The following FAM171A1 variants were observed in gnomAD, a reference collection of about 807,000 sequenced individuals.
FAM171A1 encodes family with sequence similarity 171 member A1.
FAM171A1 carries 23 observed loss-of-function variants against 74.9 expected under a neutral mutation model. That is an observed-to-expected ratio of 0.31 (90% confidence interval 0.22 to 0.44). The LOEUF is 0.44. FAM171A1 is among the 20% of genes least tolerant of loss of function. The pLI, the probability that FAM171A1 is intolerant of heterozygous loss-of-function variation, is 1.00. For synonymous variants in FAM171A1, 527 were observed against 505.7 expected, an observed-to-expected ratio of 1.04 and a Z score of -0.57; for missense variants, 1,162 against 1,159.2, an observed-to-expected ratio of 1.00 and a Z score of -0.03.
chr10:15,373,108 T>C (rs1183466076), upstream of FAM171A1, among the ~76,000 whole-genome samples: 1 of 152,166 alleles, frequency 6.6e-6, no homozygotes, highest in Non-Finnish European at 1.5e-5. Flanking sequence ...AAAAGACAAA[T>C]GACTGTGAGA....
At chr10:15,300,616 T>TA (rs1835216691) in intron 1 of FAM171A1, among the ~76,000 whole-genome samples, 6 of 46,118 alleles carry the variant, frequency 1.3e-4, no homozygotes, top group South Asian at 9.7e-4. Flanking sequence ...CCAAAAAAAA[T>TA]AAACAAAAAA....
At chr10:15,358,502 T>C (rs1385198862) in intron 1 of FAM171A1, among the ~76,000 whole-genome samples, 3 of 152,196 alleles carry the variant, frequency 2.0e-5, no homozygotes, top group African/African-American at 7.2e-5. Flanking sequence ...TTCAAACATG[T>C]TTCTCTTTTT....
intron 1 of FAM171A1, among the ~76,000 whole-genome samples, chr10:15,348,761 T>C (rs773293721): frequency 2.6e-5 from 4 of 152,214 alleles, no homozygotes; most frequent in Non-Finnish European, 5.9e-5. Flanking sequence ...CCATGCTTCG[T>C]GACGCAGTTG....
intron 1 of FAM171A1, among the ~76,000 whole-genome samples, chr10:15,363,667 G>A (rs1034921565): frequency 2.0e-5 from 3 of 152,124 alleles, no homozygotes; most frequent in African/African-American, 4.8e-5. Flanking sequence ...CTAGACATGA[G>A]GTTGGATGGA....
At chr10:15,331,846 T>TGTAC (rs1381766203) in intron 1 of FAM171A1, among the ~76,000 whole-genome samples, 4 of 45,792 alleles carry the variant, frequency 8.7e-5, no homozygotes, top group Non-Finnish European at 1.8e-4. Flanking sequence ...TATATGTGTG[T>TGTAC]ATATATATGT....
At chr10:15,263,018 G>A (rs555921999) in intron 3 of FAM171A1, among the ~76,000 whole-genome samples, 67 of 152,310 alleles carry the variant, frequency 4.4e-4, no homozygotes, top group Admixed American at 5.2e-4. Context: ...GGAGTGTGCT[G>A]GGAAAAGCTT....
chr10:15,241,790 A>G (rs1834367349), intron 5 of FAM171A1: 2 of 152,288 alleles, frequency 1.3e-5, no homozygotes, highest in South Asian at 4.1e-4. Flanking sequence ...TTAAGTATAC[A>G]GTACAGTCCT....
At chr10:15,271,866 C>T (rs180936423) in intron 3 of FAM171A1, among the ~76,000 whole-genome samples, 39 of 152,258 alleles carry the variant, frequency 2.6e-4, no homozygotes, top group African/African-American at 8.7e-4. Flanking sequence ...GCCTGCCTTA[C>T]AAGAGCTCCT....
At chr10:15,238,620 T>G (rs948300229) in intron 5 of FAM171A1, among the ~76,000 whole-genome samples, 1 of 151,572 alleles carries the variant, frequency 6.6e-6, no homozygotes, top group African/African-American at 2.4e-5. Flanking sequence ...GTCCGTCACT[T>G]AGGTAAAAGG....
At chr10:15,312,729 C>CTTTTTTTTTTTTTTT (rs1835378817) in intron 1 of FAM171A1, among the ~76,000 whole-genome samples, 2 of 50,810 alleles carry the variant, frequency 3.9e-5, no homozygotes, top group African/African-American at 8.0e-5. Flanking sequence ...CGATATTTTG[C>CTTTTTTTTTTTTTTT]TCTTGTTGCC....
intron 5 of FAM171A1, among the ~76,000 whole-genome samples, chr10:15,238,054 T>A (rs1834316680): frequency 6.6e-6 from 1 of 152,222 alleles, no homozygotes; most frequent in South Asian, 2.1e-4. Flanking sequence ...ATGCCCAAGG[T>A]TCTAAAATCA....
intron 1 of FAM171A1, among the ~76,000 whole-genome samples, chr10:15,288,995 T>C (rs771800771): frequency 6.6e-6 from 1 of 152,034 alleles, no homozygotes; most frequent in South Asian, 2.1e-4. Flanking sequence ...GCTACTTTTG[T>C]ATTTTTAGTG....
At chr10:15,355,145 C>A (rs541796768) in intron 1 of FAM171A1, among the ~76,000 whole-genome samples, 2 of 152,332 alleles carry the variant, frequency 1.3e-5, no homozygotes, top group African/African-American at 4.8e-5. Context: ...AGTGCAGTGG[C>A]AGAATCATGG....
At chr10:15,289,037 G>A (rs1419352388) in intron 1 of FAM171A1, among the ~76,000 whole-genome samples, 2 of 151,990 alleles carry the variant, frequency 1.3e-5, no homozygotes, top group East Asian at 1.9e-4. Context: ...GGTCAGGCTG[G>A]TCTCAAACTC....
intron 1 of FAM171A1, among the ~76,000 whole-genome samples, chr10:15,353,453 G>A (rs988737588): frequency 6.6e-6 from 1 of 152,102 alleles, no homozygotes; most frequent in African/African-American, 2.4e-5. Flanking sequence ...GCAATTCCCA[G>A]AATATGACTT....
chr10:15,213,351 A>T lies in FAM171A1; in HGVS notation c.2237T>A (p.Met746Lys). The T allele has an allele frequency of 6.2e-7, 1 of 1,614,114 alleles. No individual in the cohort carries two copies. The change falls in exon 8 of 8, where the codon ATG (methionine) becomes AAG (lysine). Residue 746 changes from methionine (M) to lysine (K), a missense_variant. Transcript: ENST00000378116. This position sits in a 1 kb window ranked among gnomAD's most constrained non-coding sequence, Gnocchi z 6.8. ...CTTCCGGGCTGATTTTGGTTCATTCATATCTACGCCAGAGTCCAAACTGGC... is the reference window on the plus strand; with the variant it reads ...CTTCCGGGCTGATTTTGGTTCATTCTTATCTACGCCAGAGTCCAAACTGGC... ...NDASLDSGVD[M>K]NEPKSARKGR...
chr10:15,327,316 G>A (rs1022147759), intron 1 of FAM171A1, among the ~76,000 whole-genome samples: 6 of 152,242 alleles, frequency 3.9e-5, no homozygotes, highest in East Asian at 3.9e-4. Flanking sequence ...TGTGCTCAGC[G>A]CTCACTAGAT....
At position 15,312,683 on chromosome 10, in the gene FAM171A1, T is replaced by G. The variant is rs904431778; in HGVS notation, c.98-28578A>C. Reference sequence around the variant, plus strand: ...AGTTCAGCACTGTGTGTTTTTTTTTTTTTTTTTTTTTTTTTTTTTTTTTTT... The same window carrying G: ...AGTTCAGCACTGTGTGTTTTTTTTTGTTTTTTTTTTTTTTTTTTTTTTTTT... On this transcript the variant is annotated intron_variant, in intron 1 of 7. Coordinates refer to ENST00000378116, the MANE Select transcript of FAM171A1 (RefSeq NM_001010924.2). Among the ~76,000 whole-genome samples the G allele has an allele frequency of 1.7e-4, 10 of 59,684 alleles. 1 individual carries two copies. In the South Asian group the frequency reaches 2.1e-3, roughly 13 times the overall value. 39.2% of individuals were successfully genotyped at this position (59,684 alleles called of 152,430 possible).
At chr10:15,349,741 G>C (rs1835857169) in intron 1 of FAM171A1, among the ~76,000 whole-genome samples, 1 of 152,152 alleles carries the variant, frequency 6.6e-6, no homozygotes, top group African/African-American at 2.4e-5. Flanking sequence ...TTCTGCCCCT[G>C]CTAAAATTCT....
Sources: allele counts gnomAD v4.1 joint callset (sites outside exome capture counted in the v4.1 genomes callset), GRCh38; gene constraint gnomAD v4.1.1; non-coding constraint Gnocchi (gnomAD v3.1); transcripts MANE v1.5; gene names NCBI Gene and HGNC (gene_info 2026-07-23, HGNC 2026-07-21).